SOAT2: variants seen among roughly 807,000 people sequenced by gnomAD.
SOAT2 encodes ACAT-2.
A neutral mutation model predicts 76.0 loss-of-function variants in SOAT2; 87 were observed. That is an observed-to-expected ratio of 1.14 (90% CI 0.96 to 1.37). The LOEUF is 1.37. Among genes scored for constraint, SOAT2 ranks in the 40% most tolerant of loss-of-function variants. The pLI is 0.00. For missense variants in SOAT2, 686 were observed against 682.1 expected, an observed-to-expected ratio of 1.01 and a Z score of -0.06; for synonymous variants, 285 against 275.4, an observed-to-expected ratio of 1.03 and a Z score of -0.34.
rs1008170057 is a variant in SOAT2, at chr12:53,123,299, G to A, written c.1372+83G>A. 3.2e-6 allele frequency: 5 copies of A among 1,555,140 alleles called. No homozygotes were observed. The African/African-American group carries it at 6.8e-5, about 21-fold the overall frequency. The stretch of plus-strand genomic sequence containing the variant: ...CTCCTGCAGATCCCAGACTGATGGT[G>A]GGAGGCCTCGCCCCCAGGCCTGGAG... On this transcript the variant is annotated intron_variant, in intron 13 of 14. Coordinates refer to ENST00000301466, the MANE Select transcript of SOAT2 (RefSeq NM_003578.4).
chr12:53,107,101 T>A (rs77868815), intron 5 of SOAT2, among the ~76,000 whole-genome samples: 1 of 152,198 alleles, frequency 6.6e-6, no homozygotes, highest in Admixed American at 6.5e-5. Flanking sequence ...GTTATGGAGG[T>A]CTGCATTAGT....
chr12:53,109,147 G>T (rs891070804), intron 5 of SOAT2, among the ~76,000 whole-genome samples: 4 of 152,180 alleles, frequency 2.6e-5, no homozygotes, highest in Admixed American at 1.3e-4. Context: ...TCAGGCAGAA[G>T]AATCACTTGA....
chr12:53,118,304 C>A, intron 7 of SOAT2, 46 bp from the exon 8 acceptor site: 1 of 1,270,514 alleles, frequency 7.9e-7, no homozygotes, highest in Non-Finnish European at 1.2e-6. Context: ...TCACCTCTGC[C>A]CTCTGCCCTT....
intron 12 of SOAT2, among the ~76,000 whole-genome samples, chr12:53,122,410 A>C (rs1264560339): frequency 7.1e-6 from 1 of 141,674 alleles, no homozygotes; most frequent in Admixed American, 6.9e-5. Context: ...GTCATAGGAC[A>C]ATAGTGGAGG....
intron 5 of SOAT2, among the ~76,000 whole-genome samples, chr12:53,107,622 C>CTATTTTTTTTTTTTTTTTT (rs1937954319): frequency 8.5e-6 from 1 of 117,036 alleles, no homozygotes; most frequent in Non-Finnish European, 1.7e-5. Flanking sequence ...AACAGATGTA[C>CTATTTTTTTTTTTTTTTTT]TTTTTTTTTT....
chr12:53,119,018 G>A, intron 9 of SOAT2, 83 bp downstream of exon 9: 2 of 1,609,754 alleles, frequency 1.2e-6, no homozygotes, highest in Non-Finnish European at 1.7e-6. Flanking sequence ...GGAGGCAGTG[G>A]GAGGGTGATG....
chr12:53,103,735 G>A, intron 1 of SOAT2, 76 bp downstream of exon 1: 1 of 1,139,878 alleles, frequency 8.8e-7, no homozygotes, highest in East Asian at 2.6e-5. Context: ...TGGAGAGAAG[G>A]CTCCAACTGC....
At chr12:53,109,452 T>G (rs1330125167) in intron 5 of SOAT2, among the ~76,000 whole-genome samples, 2 of 152,168 alleles carry the variant, frequency 1.3e-5, no homozygotes, top group Non-Finnish European at 2.9e-5. Context: ...ATTAGTGTAC[T>G]ATTAATGTTA....
chr12:53,120,816 C>A lies in SOAT2; in HGVS notation c.1070C>A (p.Ala357Asp), dbSNP rs145778097. 78 of 1,613,912 alleles carry A rather than the reference C, an allele frequency of 4.8e-5. No homozygotes were observed. In the African/African-American group the frequency reaches 9.9e-4, roughly 20 times the overall value. ...TTCATGCTGCTGCTCATCTTCTTTG[C>A]CTTCCTCCATTGCTGGCTCAACGCC... ...GIFMLLLIFF[A>D]FLHCWLNAFA... Residue 357 changes from alanine (A) to aspartate (D), a missense_variant, in exon 11 of 15, where the codon GCC becomes GAC. Physicochemically the swap from Ala to Asp is moderately radical, Grantham distance 126. Coordinates refer to ENST00000301466, the MANE Select transcript of SOAT2 (RefSeq NM_003578.4).
rs1938233174 is a variant in SOAT2, at chr12:53,123,782, T to A, written c.1427T>A (p.Leu476Gln). Reference protein sequence around the residue: ...DQRTGPAWNVLMWTMLFLGQG... With the variant: ...DQRTGPAWNVQMWTMLFLGQG... The stretch of plus-strand genomic sequence containing the variant: ...CGCACCGGCCCGGCATGGAACGTGC[T>A]GATGTGGACCATGCTGTTTCTAGGC... The change falls in exon 14 of 15, where the codon CTG becomes CAG. Residue 476 changes from leucine to glutamine, a missense_variant. Leu to Gln is a moderately radical substitution (Grantham distance 113). Transcript: ENST00000301466. 6.2e-7 allele frequency: 1 copy of A among 1,614,064 alleles called. No homozygotes were observed. The highest frequency in any genetic ancestry group is 1.7e-5 in the Admixed American group (1 of 60,002).
Position 53,124,196 on chromosome 12 carries a change from C to G in SOAT2, c.*73C>G. On this transcript the variant is annotated 3_prime_UTR_variant, in exon 15 of 15. Transcript: ENST00000301466. ...GCCTGCAAAACCTGGGACCAGGACTCCTGTCTGCATTCCCAAATTTGGCTC... is the reference window on the plus strand; with the variant it reads ...GCCTGCAAAACCTGGGACCAGGACTGCTGTCTGCATTCCCAAATTTGGCTC... 6.5e-7 allele frequency: 1 copy of G among 1,548,858 alleles called. No individual in the cohort carries two copies. The highest frequency in any genetic ancestry group is 1.4e-5 in the African/African-American group (1 of 73,778).
chr12:53,106,140 C>T, intron 5 of SOAT2, 126 bp downstream of exon 5: 3 of 631,532 alleles, frequency 4.8e-6, no homozygotes, highest in Admixed American at 2.6e-5. Flanking sequence ...CATGTACCAA[C>T]ATTGCTCCCA....
Position 53,115,582 on chromosome 12 carries a change from C to A in SOAT2, c.636C>A (p.Cys212Ter). ...TAGCCGCCCACGCCGTGGTGCTCTG[C>A]GCGCTGCCGGTCCACGTGGCCGTGG... ...ALLAAHAVVLCALPVHVAVEH... is the reference protein window; with the variant it reads ...ALLAAHAVVL The change falls in exon 6 of 15, where the codon TGC becomes TGA. Residue 212 changes from cysteine (C) to a stop codon, truncating the protein, a stop_gained. Coordinates refer to ENST00000301466, the MANE Select transcript of SOAT2 (RefSeq NM_003578.4). LOFTEE classifies it high-confidence loss of function. The A allele has an allele frequency of 6.3e-7, 1 of 1,581,112 alleles. No individual in the cohort carries two copies. Among genetic ancestry groups the A allele is most frequent in the Non-Finnish European group, 8.5e-7 (1 of 1,169,736 alleles).
intron 6 of SOAT2, 91 bp downstream of exon 6, chr12:53,115,745 C>T: frequency 2.9e-6 from 4 of 1,387,026 alleles, no homozygotes; most frequent in Non-Finnish European, 3.8e-6. Context: ...GGGGCGGGGC[C>T]CACGAGAGGG....
At chr12:53,120,991 C>A in intron 11 of SOAT2, 108 bp downstream of exon 11, 1 of 839,474 alleles carries the variant, frequency 1.2e-6, no homozygotes. Flanking sequence ...TGCTGTTCAC[C>A]TCCCATAATA....
rs1938243811 is a variant in SOAT2, at chr12:53,124,486, C to T, written c.*363C>T. ...GGTTGGAAAAGGGTTTGGTTCTTGA[C>T]TTTGTATTCCTTCCAATACAGCAAT... On this transcript the variant is annotated 3_prime_UTR_variant, in exon 15 of 15. Transcript: ENST00000301466. 3.7e-6 allele frequency: 1 copy of T among 273,624 alleles called. No homozygotes were observed. The highest frequency in any genetic ancestry group is 6.9e-6 in the Non-Finnish European group (1 of 144,108). The allele number at this position is 273,624 out of a possible 1,614,324, so 16.9% of individuals were successfully genotyped here.
intron 7 of SOAT2, among the ~76,000 whole-genome samples, chr12:53,116,959 A>AT (rs71095980): frequency 0.21 from 29,788 of 138,976 alleles, 3,257 homozygotes; most frequent in East Asian, 0.37. Flanking sequence ...CCAATTTCAA[A>AT]TTTTTTTTTT....
rs772730806 is a variant in SOAT2, at chr12:53,118,449, T to C, written c.863+15T>C. The C allele has an allele frequency of 5.7e-6, 9 of 1,590,254 alleles. No homozygotes were observed. The Admixed American group carries it at 1.3e-4, about 24-fold the overall frequency. On this transcript the variant is annotated intron_variant, in intron 8 of 14. Coordinates refer to ENST00000301466, the MANE Select transcript of SOAT2 (RefSeq NM_003578.4). ...ACTTACCCTAGGTAAGACCCTGCAC[T>C]CCTTCCCCAAATGCCCAGGCCCATC...
chr12:53,124,343 C>CCTAT lies in SOAT2; in HGVS notation c.*222_*225dup. The CCTAT allele has an allele frequency of 1.7e-6, 1 of 600,948 alleles. No homozygotes were observed. 37.2% of individuals were successfully genotyped at this position (600,948 alleles called of 1,614,324 possible). On this transcript the variant is annotated 3_prime_UTR_variant, in exon 15 of 15. Transcript: ENST00000301466. Reference sequence around the variant, plus strand: ...GGGTGACCAGGGTGACTCTTCAATCCCTATCCCCATGGGCTGGGTACAGGA... The same window carrying CCTAT: ...GGGTGACCAGGGTGACTCTTCAATCCCTATCTATCCCCATGGGCTGGGTACAGGA...
Sources: allele counts gnomAD v4.1 joint callset (sites outside exome capture counted in the v4.1 genomes callset), GRCh38; gene constraint gnomAD v4.1.1; transcripts MANE v1.5; gene names NCBI Gene and HGNC (gene_info 2026-07-23, HGNC 2026-07-21).